BRINP3: variants seen among roughly 807,000 people sequenced by gnomAD.
The protein encoded by BRINP3 is BMP/retinoic acid inducible neural specific 3.
A neutral mutation model predicts 71.0 loss-of-function variants in BRINP3; 19 were observed. The observed-to-expected ratio is 0.27, with a 90% CI of 0.19 to 0.39. BRINP3 has a LOEUF of 0.39. Ranked by LOEUF, BRINP3 falls within the 10% of genes least tolerant of loss-of-function variation. BRINP3 has a pLI of 1.00. For missense variants in BRINP3, 959 were observed against 940.8 expected, an observed-to-expected ratio of 1.02 and a Z score of -0.25; for synonymous variants, 380 against 337.7, an observed-to-expected ratio of 1.13 and a Z score of -1.37.
chr1:190,430,530 A>G (rs1674026197), intron 2 of BRINP3, among the ~76,000 whole-genome samples: 1 of 152,168 alleles, frequency 6.6e-6, no homozygotes, highest in South Asian at 2.1e-4. Context: ...CAGATGGTAA[A>G]GTTCAGAGTC....
intron 5 of BRINP3, among the ~76,000 whole-genome samples, chr1:190,233,546 C>T (rs1037699457): frequency 3.9e-5 from 6 of 152,042 alleles, no homozygotes; most frequent in Non-Finnish European, 7.4e-5. Flanking sequence ...AACTTTTAAG[C>T]ATTTTTATGT....
chr1:190,394,910 G>A (rs2102323569), intron 2 of BRINP3, among the ~76,000 whole-genome samples: 1 of 151,758 alleles, frequency 6.6e-6, no homozygotes, highest in East Asian at 1.9e-4. Context: ...AATGCATGTG[G>A]AATTGCACCA....
intron 2 of BRINP3, among the ~76,000 whole-genome samples, chr1:190,370,007 G>A (rs1284003224): frequency 3.3e-5 from 5 of 152,098 alleles, no homozygotes; most frequent in Admixed American, 6.5e-5. Context: ...TTTATTTCTA[G>A]TATCATACTC....
chr1:190,134,268 G>A (rs1654788759), intron 7 of BRINP3, among the ~76,000 whole-genome samples: 1 of 151,998 alleles, frequency 6.6e-6, no homozygotes, highest in African/African-American at 2.4e-5. Flanking sequence ...ATGTACAAAA[G>A]GATATGTGTT....
chr1:190,166,594 G>A (rs531254235), intron 6 of BRINP3, among the ~76,000 whole-genome samples: 1 of 152,290 alleles, frequency 6.6e-6, no homozygotes, highest in East Asian at 1.9e-4. Flanking sequence ...TTAATGCAAA[G>A]ACAAAGAGAG....
At chr1:190,212,302 G>T (rs1041326779) in intron 6 of BRINP3, among the ~76,000 whole-genome samples, 2 of 152,036 alleles carry the variant, frequency 1.3e-5, no homozygotes, top group African/African-American at 2.4e-5. Context: ...AATTTTAAGA[G>T]ATTAAATGAC....
At chr1:190,217,881 A>G (rs1358253896) in intron 6 of BRINP3, among the ~76,000 whole-genome samples, 2 of 152,092 alleles carry the variant, frequency 1.3e-5, no homozygotes, top group African/African-American at 4.8e-5. Context: ...GCTTCTAATC[A>G]GTACTTCAAA....
chr1:190,346,511 T>C (rs1321299677), intron 2 of BRINP3, among the ~76,000 whole-genome samples: 1 of 152,134 alleles, frequency 6.6e-6, no homozygotes, highest in Admixed American at 6.6e-5. Context: ...CTCTTAGGTC[T>C]TGAGTGTTCC....
intron 2 of BRINP3, among the ~76,000 whole-genome samples, chr1:190,442,801 C>CGTGTGTGT (rs35183761): frequency 7.5e-6 from 1 of 132,658 alleles, no homozygotes; most frequent in Non-Finnish European, 1.6e-5. Context: ...CATGCCTGTG[C>CGTGTGTGT]GTGTGTGTGT....
intron 2 of BRINP3, among the ~76,000 whole-genome samples, chr1:190,319,958 A>C (rs958969461): frequency 1.3e-5 from 2 of 152,086 alleles, no homozygotes; most frequent in Admixed American, 6.6e-5. Flanking sequence ...AAAAATAGAA[A>C]ATGGAATAAA....
At chr1:190,313,944 T>C (rs1665711145) in intron 2 of BRINP3, among the ~76,000 whole-genome samples, 1 of 152,072 alleles carries the variant, frequency 6.6e-6, no homozygotes, top group Admixed American at 6.6e-5. Flanking sequence ...TATTTTAATG[T>C]CTTGACTAAT....
At chr1:190,298,933 T>C (rs1309750937) in intron 2 of BRINP3, among the ~76,000 whole-genome samples, 2 of 152,204 alleles carry the variant, frequency 1.3e-5, no homozygotes, top group East Asian at 3.8e-4. Flanking sequence ...TGAATTATTT[T>C]AGTTCTTCCT....
intron 1 of BRINP3, among the ~76,000 whole-genome samples, chr1:190,460,952 A>G (rs1676355256): frequency 6.6e-6 from 1 of 152,004 alleles, no homozygotes; most frequent in Admixed American, 6.6e-5. Context: ...AACAATACCA[A>G]CTTTGCCTCT....
intron 7 of BRINP3, among the ~76,000 whole-genome samples, chr1:190,131,912 T>C (rs1417730314): frequency 6.6e-6 from 1 of 152,090 alleles, no homozygotes; most frequent in Non-Finnish European, 1.5e-5. Context: ...GATATAATAG[T>C]ACCTACAACA....
intron 2 of BRINP3, among the ~76,000 whole-genome samples, chr1:190,332,357 T>A (rs930432520): frequency 1.4e-4 from 21 of 152,066 alleles, no homozygotes; most frequent in Admixed American, 2.6e-4. Context: ...AGAACTCATA[T>A]TTGGCTGAAC....
chr1:190,116,447 C>G (rs1234286256), intron 7 of BRINP3, among the ~76,000 whole-genome samples: 1 of 152,020 alleles, frequency 6.6e-6, no homozygotes, highest in East Asian at 1.9e-4. Context: ...TTCGTAATAT[C>G]TCTAATCATA....
At chr1:190,435,319 T>G (rs1439161077) in intron 2 of BRINP3, among the ~76,000 whole-genome samples, 3 of 152,082 alleles carry the variant, frequency 2.0e-5, no homozygotes, top group Admixed American at 2.0e-4. Flanking sequence ...CTTTAAAAAA[T>G]AGACATTTGG....
intron 2 of BRINP3, among the ~76,000 whole-genome samples, chr1:190,359,860 A>T (rs1669015010): frequency 6.6e-6 from 1 of 152,154 alleles, no homozygotes; most frequent in African/African-American, 2.4e-5. Flanking sequence ...GAGGATAGTT[A>T]GTTTCATAGT....
At chr1:190,274,861 G>A (rs960686405) in intron 3 of BRINP3, among the ~76,000 whole-genome samples, 2 of 151,546 alleles carry the variant, frequency 1.3e-5, no homozygotes, top group African/African-American at 2.4e-5. Context: ...TAGAGAAATA[G>A]GCTTTTGCCA....
Sources: gnomAD v4.1 joint callset for allele counts (sites outside exome capture counted in the v4.1 genomes callset) on GRCh38, gnomAD v4.1.1 for gene constraint, MANE v1.5 for transcripts, NCBI Gene and HGNC (gene_info 2026-07-23, HGNC 2026-07-21) for gene names.